Variants in SERPINH1 observed in about 807,000 individuals in gnomAD.
SERPINH1 encodes the protein serpin family H member 1, also known as serpin H1.
A neutral mutation model predicts 32.3 loss-of-function variants in SERPINH1; 22 were observed. The ratio of observed to expected loss-of-function variants is 0.68; its 90% CI spans 0.49 to 0.97. The LOEUF (loss-of-function observed/expected upper bound fraction) is 0.97. Among genes scored for constraint, SERPINH1 ranks in the 50% least tolerant of loss-of-function variants. SERPINH1 has a pLI of 0.00. For missense variants in SERPINH1, 543 were observed against 576.4 expected, an observed-to-expected ratio of 0.94 and a Z score of 0.59; for synonymous variants, 251 against 245.9, an observed-to-expected ratio of 1.02 and a Z score of -0.19.
intron 1 of SERPINH1, among the ~76,000 whole-genome samples, chr11:75,565,526 T>G (rs1339422046): frequency 6.6e-6 from 1 of 152,130 alleles, no homozygotes; most frequent in African/African-American, 2.4e-5. Flanking sequence ...TAGATGGGCA[T>G]TCCAAGTTCC....
chr11:75,564,268 G>A (rs891512937), intron 1 of SERPINH1, among the ~76,000 whole-genome samples: 6 of 152,348 alleles, frequency 3.9e-5, no homozygotes, highest in Middle Eastern at 3.4e-3. Context: ...CGGGCCTAGC[G>A]GGCTGCCTGA....
rs776045465 is a variant in SERPINH1 at position 75,566,354 on chromosome 11, G to A, written c.5G>A (p.Arg2His). 3 of 1,608,412 alleles carry A rather than the reference G, an allele frequency of 1.9e-6. No individual in the cohort carries two copies. The highest frequency in any genetic ancestry group is 2.2e-5 in the South Asian group (2 of 89,922). ...CACGCAAACCACTTCCTGGCCATGC[G>A]CTCCCTCCTGCTTCTCAGCGCCTTC... M[R>H]SLLLLSAFCL... is the part of the protein sequence containing the mutation. Residue 2 changes from arginine (R) to histidine (H), a missense_variant, in exon 2 of 5, where the codon CGC (arginine) becomes CAC (histidine). Physicochemically the swap from Arg to His is conservative, Grantham distance 29 (BLOSUM62 0). Around this residue, in one of 3 missense-constraint regions of SERPINH1, gnomAD observed 109 missense variants for 102.4 expected, o/e 1.06. Transcript: ENST00000358171.
At position 75,566,562 on chromosome 11, in the gene SERPINH1, C is replaced by T. The variant is rs748554062; in HGVS notation, c.213C>T (p.Pro71=). Residue 71 remains proline, a synonymous_variant, in exon 2 of 5, where the codon CCC becomes CCT. Coordinates refer to ENST00000358171, the MANE Select transcript of SERPINH1 (RefSeq NM_001235.5). Reference sequence around the variant, plus strand: ...CAGTGGAGAACATCCTGGTGTCACCCGTGGTGGTGGCCTCGTCGCTAGGGC... The same window carrying T: ...CAGTGGAGAACATCCTGGTGTCACCTGTGGTGGTGGCCTCGTCGCTAGGGC... ...DQAVENILVS[P]VVVASSLGLV... is the part of the protein sequence containing the mutation. 10 of 1,610,480 alleles carry T rather than the reference C, an allele frequency of 6.2e-6. No individual in the cohort carries two copies. The highest frequency in any genetic ancestry group is 2.7e-5 in the African/African-American group (2 of 74,972).
At chr11:75,566,242 C>G in intron 1 of SERPINH1, 74 bp from the exon 2 acceptor site, 1 of 1,360,748 alleles carries the variant, frequency 7.3e-7, no homozygotes, top group Non-Finnish European at 1.0e-6. Context: ...TTGTGGCAGC[C>G]AGAGAGCTGA....
At chr11:75,562,383 G>C (rs1941993728) in intron 1 of SERPINH1, 64 bp downstream of exon 1, 1 of 152,198 alleles carries the variant, frequency 6.6e-6, no homozygotes, top group Admixed American at 6.5e-5. Context: ...CTGGGGGTGC[G>C]CGAGGGAGTA....
Position 75,568,816 on chromosome 11 carries a change from G to C in SERPINH1, c.708G>C (p.Met236Ile). 2 of 1,613,338 alleles carry C rather than the reference G, an allele frequency of 1.2e-6. No homozygotes were observed. The highest frequency in any genetic ancestry group is 1.7e-6 in the Non-Finnish European group (2 of 1,179,302). The change falls in exon 3 of 5, where the codon ATG becomes ATC. Residue 236 changes from methionine to isoleucine, a missense_variant. Physicochemically the swap from Met to Ile is conservative, Grantham distance 10 (BLOSUM62 1). Around this residue, in one of 3 missense-constraint regions of SERPINH1, gnomAD observed 427 missense variants for 446.4 expected, o/e 0.96. Transcript: ENST00000358171. ...VTRSYTVGVMMMHRTGLYNYY... is the reference protein window; with the variant it reads ...VTRSYTVGVMIMHRTGLYNYY... ...GGTCCTATACCGTGGGTGTCATGAT[G>C]ATGCACCGGACAGGTAGGTGCTGTG... is the stretch of plus-strand genomic sequence containing the variant.
chr11:75,566,365 C>T lies in SERPINH1; in HGVS notation c.16C>T (p.Leu6Phe). MRSLL[L>F]LSAFCLLEAA... Reference sequence around the variant, plus strand: ...CTTCCTGGCCATGCGCTCCCTCCTGCTTCTCAGCGCCTTCTGCCTCCTGGA... The same window carrying T: ...CTTCCTGGCCATGCGCTCCCTCCTGTTTCTCAGCGCCTTCTGCCTCCTGGA... The change falls in exon 2 of 5, where the codon CTT becomes TTT. Residue 6 changes from leucine to phenylalanine, a missense_variant. Around this residue, in one of 3 missense-constraint regions of SERPINH1, gnomAD observed 109 missense variants for 102.4 expected, o/e 1.06. Coordinates refer to ENST00000358171, the MANE Select transcript of SERPINH1 (RefSeq NM_001235.5). 6.2e-7 allele frequency: 1 copy of T among 1,609,936 alleles called. No individual in the cohort carries two copies. Among genetic ancestry groups the T allele is most frequent in the Non-Finnish European group, 8.5e-7 (1 of 1,178,838 alleles).
chr11:75,571,212 C>T (rs1942189863), intron 4 of SERPINH1, among the ~76,000 whole-genome samples: 1 of 152,108 alleles, frequency 6.6e-6, no homozygotes, highest in Non-Finnish European at 1.5e-5. Flanking sequence ...CAGCTCATGG[C>T]CAATAGTGAT....
At chr11:75,567,285 C>T (rs1002597677) in intron 2 of SERPINH1, among the ~76,000 whole-genome samples, 1 of 152,244 alleles carries the variant, frequency 6.6e-6, no homozygotes, top group Non-Finnish European at 1.5e-5. Flanking sequence ...CATTCTGCCT[C>T]AGTAGTGAGC....
At chr11:75,568,869 G>T (rs1592202883) in intron 3 of SERPINH1, 40 bp downstream of exon 3, 2 of 1,602,918 alleles carry the variant, frequency 1.2e-6, no homozygotes, top group African/African-American at 1.3e-5. Flanking sequence ...GTGGGTGGGG[G>T]TCCAAGGGTA....
rs138800808 is a variant in SERPINH1, at chr11:75,563,710, C to T, written c.-35+1391C>T. ...TTTGCCGGCTCCCGCCCTCTTCACT[C>T]TTCTGTTTTCTTTCAGAATGAAAAA... is the stretch of plus-strand genomic sequence containing the variant. On this transcript the variant is annotated intron_variant, in intron 1 of 4. Transcript: ENST00000358171. 3.1e-3 allele frequency: 468 copies of T among 152,988 alleles called. 1 individual carries two copies. Among genetic ancestry groups the T allele is most frequent in the Non-Finnish European group, 3.8e-3 (260 of 68,186 alleles). The allele number at this position is 152,988 out of a possible 1,614,324, so 9.5% of individuals were successfully genotyped here. A position where few individuals can be genotyped will look rare whatever the true frequency, so the allele number is the denominator to read the frequency against.
Position 75,566,674 on chromosome 11 carries a change from G to T in SERPINH1, c.325G>T (p.Ala109Ser). 6.2e-7 allele frequency: 1 copy of T among 1,608,284 alleles called. No individual in the cohort carries two copies. Among genetic ancestry groups the T allele is most frequent in the South Asian group, 1.1e-5 (1 of 90,618 alleles). Residue 109 changes from alanine to serine, a missense_variant, in exon 2 of 5, where the codon GCC becomes TCC. By Grantham distance (99) the Ala-to-Ser change is moderately conservative. Coordinates refer to ENST00000358171, the MANE Select transcript of SERPINH1 (RefSeq NM_001235.5). ...AEQLRDEEVHAGLGELLRSLS... is the reference protein window; with the variant it reads ...AEQLRDEEVHSGLGELLRSLS... ...GCAGCTGCGCGACGAGGAGGTGCAC[G>T]CCGGCCTGGGCGAGCTGCTGCGCTC...
At chr11:75,568,445 G>A (rs908863896) in intron 2 of SERPINH1, 13 of 490,218 alleles carry the variant, frequency 2.7e-5, no homozygotes, top group Non-Finnish European at 4.1e-5. Context: ...GGTGGCCATA[G>A]AGGTGGCTGA....
At chr11:75,565,206 G>C (rs1942052254) in intron 1 of SERPINH1, among the ~76,000 whole-genome samples, 1 of 152,216 alleles carries the variant, frequency 6.6e-6, no homozygotes, top group Admixed American at 6.5e-5. Flanking sequence ...TGGGGAGGAG[G>C]CCTGAGGGCA....
chr11:75,564,558 G>T (rs1174092536), intron 1 of SERPINH1, among the ~76,000 whole-genome samples: 1 of 152,194 alleles, frequency 6.6e-6, no homozygotes, highest in African/African-American at 2.4e-5. Flanking sequence ...ACTCTTATAA[G>T]TGTCCTTGTT....
In SERPINH1 at chr11:75,566,403, C is replaced by T. The variant is rs369807954; in HGVS notation, c.54C>T (p.Ala18=). The change falls in exon 2 of 5, where the codon GCC becomes GCT. Residue 18 remains alanine, a synonymous_variant. Transcript: ENST00000358171. ...SAFCLLEAAL[A]AEVKKPAAAA... ...TCTGCCTCCTGGAGGCGGCCCTGGC[C>T]GCCGAGGTGAAGAAACCTGCAGCCG... is the stretch of plus-strand genomic sequence containing the variant. 23 of 1,610,696 alleles carry T rather than the reference C, an allele frequency of 1.4e-5. No individual in the cohort carries two copies. In the African/African-American group the frequency reaches 2.3e-4, roughly 16 times the overall value.
chr11:75,566,579 C>G lies in SERPINH1; in HGVS notation c.230C>G (p.Ser77Trp). Residue 77 changes from serine to tryptophan, a missense_variant, in exon 2 of 5, where the codon TCG (serine) becomes TGG (tryptophan). Transcript: ENST00000358171. ...GTGTCACCCGTGGTGGTGGCCTCGT[C>G]GCTAGGGCTCGTGTCGCTGGGCGGC... ...ILVSPVVVAS[S>W]LGLVSLGGKA... is the part of the protein sequence containing the mutation. The G allele has an allele frequency of 1.2e-6, 2 of 1,609,552 alleles. No individual in the cohort carries two copies. The highest frequency in any genetic ancestry group is 1.1e-5 in the South Asian group (1 of 90,854).
intron 2 of SERPINH1, among the ~76,000 whole-genome samples, chr11:75,567,230 A>G (rs1942107186): frequency 6.6e-6 from 1 of 152,258 alleles, no homozygotes. Context: ...ATTTCGTCAA[A>G]GTGCTCGTCC....
At position 75,571,785 on chromosome 11, in the gene SERPINH1, AC is replaced by A. The variant is rs772433295; in HGVS notation, c.961del (p.Leu321TrpfsTer6). The A allele has an allele frequency of 2.1e-5, 34 of 1,613,468 alleles. No homozygotes were observed. The highest frequency in any genetic ancestry group is 2.6e-5 in the Non-Finnish European group (31 of 1,179,948). On this transcript the variant is annotated frameshift_variant, in exon 5 of 5. Coordinates refer to ENST00000358171, the MANE Select transcript of SERPINH1 (RefSeq NM_001235.5). LOFTEE classifies it high-confidence loss of function. ...CACACCTCCTTGTTCCCACAGAAAC[AC>A]CTGGCTGGGCTGGGCCTGACTGAGG... ...VVEVTHDLQK[H>X]LAGLGLTEAI...
Sources: gnomAD v4.1 joint callset for allele counts (sites outside exome capture counted in the v4.1 genomes callset) on GRCh38, gnomAD v4.1.1 for gene constraint, gnomAD v4.1.1 regional missense constraint, MANE v1.5 for transcripts, NCBI Gene and HGNC (gene_info 2026-07-23, HGNC 2026-07-21) for gene names.